INSYN2B: variants seen among roughly 807,000 people sequenced by gnomAD.
INSYN2B encodes the protein protein INSYN2B.
Under a neutral mutation model 41.2 loss-of-function variants are expected in INSYN2B, and 16 were observed. The ratio of observed to expected loss-of-function variants is 0.39; its 90% CI spans 0.26 to 0.59. The LOEUF is 0.59. INSYN2B is among the 20% of genes least tolerant of loss of function. The pLI, the probability that INSYN2B is intolerant of heterozygous loss-of-function variation, is 0.57. For synonymous variants in INSYN2B, 245 were observed against 244.4 expected, an observed-to-expected ratio of 1.00 and a Z score of -0.02; for missense variants, 608 against 646.4, an observed-to-expected ratio of 0.94 and a Z score of 0.64.
Position 169,918,941 on chromosome 5 carries a change from T to C in INSYN2B, c.-918-34125A>G, listed in dbSNP as rs538589424. Among the ~76,000 whole-genome samples, 3 of 152,196 alleles carry C rather than the reference T, an allele frequency of 2.0e-5. No individual in the cohort carries two copies. The South Asian group carries it at 6.2e-4, about 32-fold the overall frequency. On this transcript the variant is annotated intron_variant, in intron 1 of 3. Coordinates refer to ENST00000377365, the MANE Select transcript of INSYN2B (RefSeq NM_001129891.3). ...ATACAAACTAATTTAAAAGATATTT[T>C]AGGGGCCAGATATATGAGTATGTAA...
intron 3 of INSYN2B, among the ~76,000 whole-genome samples, chr5:169,879,814 G>C (rs148627099): frequency 3.9e-4 from 60 of 152,260 alleles, no homozygotes; most frequent in Non-Finnish European, 6.9e-4. Flanking sequence ...CCAAGGCGAG[G>C]TCATGAAACT....
In INSYN2B at chr5:169,883,760, T is replaced by G. The variant is rs1772810077; in HGVS notation, c.139A>C (p.Asn47His). ...TCAACCTCAGCTAGGCCAGTTGGAT[T>G]CTTAGTGGTCCCATCTTCCTTGAAT... The part of the protein sequence containing the change: ...VRFKEDGTTK[N>H]PTGLAEVDVQ... The change falls in exon 2 of 4, where the codon AAT (asparagine) becomes CAT (histidine). Residue 47 changes from asparagine (N) to histidine (H), a missense_variant. Physicochemically the swap from Asn to His is moderately conservative, Grantham distance 68. Coordinates refer to ENST00000377365, the MANE Select transcript of INSYN2B (RefSeq NM_001129891.3). 5 of 1,551,500 alleles carry G rather than the reference T, an allele frequency of 3.2e-6. No homozygotes were observed. The highest frequency in any genetic ancestry group is 4.4e-6 in the Non-Finnish European group (5 of 1,146,950).
intron 1 of INSYN2B, among the ~76,000 whole-genome samples, chr5:169,924,556 G>C (rs1012163799): frequency 6.6e-6 from 1 of 152,140 alleles, no homozygotes; most frequent in African/African-American, 2.4e-5. Flanking sequence ...TAGCAATTTA[G>C]ACTCTCACTG....
chr5:169,912,230 A>T (rs1485543397), intron 1 of INSYN2B, among the ~76,000 whole-genome samples: 1 of 151,204 alleles, frequency 6.6e-6, no homozygotes, highest in African/African-American at 2.4e-5. Context: ...TTATTATTTT[A>T]TTTATTTATT....
At chr5:169,954,844 G>T (rs1042881863) in intron 1 of INSYN2B, among the ~76,000 whole-genome samples, 1 of 152,240 alleles carries the variant, frequency 6.6e-6, no homozygotes, top group Non-Finnish European at 1.5e-5. Context: ...GGCTGCAAGT[G>T]TGTGTAACCC....
chr5:169,937,497 G>A (rs1776045552), intron 1 of INSYN2B, among the ~76,000 whole-genome samples: 3 of 152,228 alleles, frequency 2.0e-5, no homozygotes, highest in African/African-American at 4.8e-5. Context: ...CACATAGTAA[G>A]TGTTCAATAA....
Position 169,883,656 on chromosome 5 carries a change from G to A in INSYN2B, c.243C>T (p.Leu81=), listed in dbSNP as rs1772800186. 6.4e-7 allele frequency: 1 copy of A among 1,551,202 alleles called. No individual in the cohort carries two copies. The highest frequency in any genetic ancestry group is 8.7e-7 in the Non-Finnish European group (1 of 1,146,690). The part of the protein sequence containing the change: ...TRHHLPPTYS[L]SFPRSQKAGG... ...CTGCCTTCTGGGACCTGGGGAAGGA[G>A]AGCGAGTAGGTGGGGGGAAGATGGT... Residue 81 remains leucine (L), a synonymous_variant, in exon 2 of 4, where the codon CTC becomes CTT. Transcript: ENST00000377365.
chr5:169,895,525 A>C (rs1205989708), intron 1 of INSYN2B, among the ~76,000 whole-genome samples: 1 of 151,956 alleles, frequency 6.6e-6, no homozygotes, highest in Non-Finnish European at 1.5e-5. Flanking sequence ...GCCAGCATTC[A>C]CGCATCCTCT....
At chr5:169,886,387 A>G (rs1324164495) in intron 1 of INSYN2B, among the ~76,000 whole-genome samples, 3 of 152,220 alleles carry the variant, frequency 2.0e-5, no homozygotes, top group African/African-American at 4.8e-5. Flanking sequence ...CTATGTTTCA[A>G]TGACTTTGTG....
chr5:169,880,412 TC>T (rs1464536769), intron 3 of INSYN2B, among the ~76,000 whole-genome samples: 1 of 152,166 alleles, frequency 6.6e-6, no homozygotes, highest in Non-Finnish European at 1.5e-5. Context: ...CCAATTAGGC[TC>T]CAGTTTGCTC....
intron 1 of INSYN2B, among the ~76,000 whole-genome samples, chr5:169,977,602 G>C (rs1777761038): frequency 6.6e-6 from 1 of 152,178 alleles, no homozygotes; most frequent in Non-Finnish European, 1.5e-5. Flanking sequence ...GCTGAGATTT[G>C]AACTCAGGCT....
intron 1 of INSYN2B, among the ~76,000 whole-genome samples, chr5:169,904,475 G>A (rs538961618): frequency 1.3e-5 from 2 of 152,198 alleles, no homozygotes; most frequent in East Asian, 3.9e-4. Flanking sequence ...TTTAATGGGG[G>A]TGGTGGGGAA....
At chr5:169,944,996 C>A (rs907332115) in intron 1 of INSYN2B, among the ~76,000 whole-genome samples, 1 of 152,204 alleles carries the variant, frequency 6.6e-6, no homozygotes, top group Non-Finnish European at 1.5e-5. Context: ...TGGCAAATAC[C>A]TCTAGGAGGA....
At chr5:169,921,162 G>C (rs1258788478) in intron 1 of INSYN2B, among the ~76,000 whole-genome samples, 1 of 152,210 alleles carries the variant, frequency 6.6e-6, no homozygotes, top group Non-Finnish European at 1.5e-5. Context: ...GCCTGGAAAA[G>C]TGTCTGGATG....
chr5:169,946,603 A>G (rs974164093), intron 1 of INSYN2B, among the ~76,000 whole-genome samples: 13 of 152,202 alleles, frequency 8.5e-5, no homozygotes, highest in Non-Finnish European at 1.8e-4. Context: ...TCATTCCACC[A>G]GTCTACTGAG....
rs1442185924 is a variant in INSYN2B at position 169,861,495 on chromosome 5, ACTC to A, written c.*2775_*2777del. 6.6e-6 allele frequency among the ~76,000 whole-genome samples: 1 copy of A among 152,090 alleles called. No homozygotes were observed. The highest frequency in any genetic ancestry group is 1.5e-5 in the Non-Finnish European group (1 of 68,014). ...AACTACAGAGAAAGCAGCTACATAA[ACTC>A]CTGCAATTTAAGTTGATGTATTGGT... On this transcript the variant is annotated 3_prime_UTR_variant, in exon 4 of 4. Coordinates refer to ENST00000377365, the MANE Select transcript of INSYN2B (RefSeq NM_001129891.3).
At chr5:169,951,570 G>A (rs1319705564) in intron 1 of INSYN2B, among the ~76,000 whole-genome samples, 1 of 152,198 alleles carries the variant, frequency 6.6e-6, no homozygotes, top group Non-Finnish European at 1.5e-5. Context: ...ACCCTGATCA[G>A]ACCAGTGCAC....
chr5:169,938,652 T>G (rs1407780820), intron 1 of INSYN2B, among the ~76,000 whole-genome samples: 2 of 152,168 alleles, frequency 1.3e-5, no homozygotes, highest in Non-Finnish European at 2.9e-5. Context: ...TGTGAAGGCT[T>G]AGGATGGTTA....
intron 1 of INSYN2B, among the ~76,000 whole-genome samples, chr5:169,945,356 C>T (rs1274537712): frequency 6.6e-6 from 1 of 152,234 alleles, no homozygotes; most frequent in Non-Finnish European, 1.5e-5. Context: ...GGGCAGAGAG[C>T]TCAAGGGGAG....
Sources: gnomAD v4.1 joint callset for allele counts (sites outside exome capture counted in the v4.1 genomes callset) on GRCh38, gnomAD v4.1.1 for gene constraint, MANE v1.5 for transcripts, NCBI Gene and HGNC (gene_info 2026-07-23, HGNC 2026-07-21) for gene names.